SND1: variants seen among roughly 807,000 people sequenced by gnomAD.
SND1 encodes the protein staphylococcal nuclease domain-containing protein 1.
A neutral mutation model predicts 121.7 loss-of-function variants in SND1; 38 were observed. The ratio of observed to expected loss-of-function variants is 0.31; its 90% CI spans 0.24 to 0.41. The LOEUF (loss-of-function observed/expected upper bound fraction) is 0.41. Ranked by LOEUF, SND1 falls within the 10% of genes least tolerant of loss-of-function variation. The probability of loss-of-function intolerance (pLI) is 1.00; values close to 1 mark genes in which losing one functional copy is unlikely to be tolerated. For missense variants in SND1, 868 were observed against 1,184.6 expected (o/e 0.73, Z 3.92); for synonymous variants, 401 against 447.4 (o/e 0.90, Z 1.31).
At chr7:128,067,651 GC>G (rs2117042092) in intron 16 of SND1, among the ~76,000 whole-genome samples, 1 of 152,302 alleles carries the variant, frequency 6.6e-6, no homozygotes, top group East Asian at 1.9e-4. Context: ...GCAACCTACA[GC>G]CTCGCAACCC....
intron 1 of SND1, among the ~76,000 whole-genome samples, chr7:127,675,082 T>C (rs1489721276): frequency 6.6e-6 from 1 of 152,202 alleles, no homozygotes; most frequent in African/African-American, 2.4e-5. Flanking sequence ...ACGCCTGTGG[T>C]CCTAGCCACT....
At chr7:127,749,046 T>G (rs1057315506) in intron 10 of SND1, among the ~76,000 whole-genome samples, 2 of 146,090 alleles carry the variant, frequency 1.4e-5, no homozygotes, top group Non-Finnish European at 1.5e-5. Context: ...TTCTTTCGTT[T>G]TTTTTTTTTT....
At chr7:127,790,667 A>AT (rs1286002116) in intron 10 of SND1, among the ~76,000 whole-genome samples, 1 of 152,204 alleles carries the variant, frequency 6.6e-6, no homozygotes, top group African/African-American at 2.4e-5. Flanking sequence ...GCTGTTTTTA[A>AT]TTTCAGGTAG....
At chr7:127,871,436 C>G (rs1799584236) in intron 12 of SND1, among the ~76,000 whole-genome samples, 1 of 152,144 alleles carries the variant, frequency 6.6e-6, no homozygotes, top group Non-Finnish European at 1.5e-5. Flanking sequence ...CATTGTGCTG[C>G]AGGCTATGAC....
At chr7:127,822,216 C>T (rs1468654117) in intron 11 of SND1, among the ~76,000 whole-genome samples, 2 of 152,128 alleles carry the variant, frequency 1.3e-5, no homozygotes, top group African/African-American at 2.4e-5. Flanking sequence ...CGGGAAGATA[C>T]GTTTGTGGGT....
At chr7:128,078,502 A>G (rs1378146756) in intron 17 of SND1, among the ~76,000 whole-genome samples, 1 of 152,226 alleles carries the variant, frequency 6.6e-6, no homozygotes, top group Non-Finnish European at 1.5e-5. Context: ...CCCACCCACC[A>G]CGAAGTGAGC....
chr7:128,084,666 T>A, intron 18 of SND1, 58 bp from the exon 19 acceptor site: 1 of 1,528,764 alleles, frequency 6.5e-7, no homozygotes, highest in Non-Finnish European at 8.8e-7. Flanking sequence ...AGAAAAACCC[T>A]GCTGAGCCGT....
intron 10 of SND1, among the ~76,000 whole-genome samples, chr7:127,755,097 T>C (rs1797170444): frequency 6.6e-6 from 1 of 152,220 alleles, no homozygotes; most frequent in Non-Finnish European, 1.5e-5. Flanking sequence ...CTACCACCAA[T>C]TTGTATTTTG....
At chr7:127,665,089 G>A (rs1253130522) in intron 1 of SND1, among the ~76,000 whole-genome samples, 1 of 151,988 alleles carries the variant, frequency 6.6e-6, no homozygotes, top group African/African-American at 2.4e-5. Flanking sequence ...TCCTGGTATT[G>A]GTTTACCCAA....
At chr7:127,738,381 C>T (rs1233033097) in intron 10 of SND1, among the ~76,000 whole-genome samples, 2 of 147,378 alleles carry the variant, frequency 1.4e-5, no homozygotes, top group African/African-American at 2.5e-5. Context: ...CAGGTTCAAT[C>T]GATTCTCTTG....
chr7:127,691,892 A>G (rs1233859350), intron 2 of SND1, among the ~76,000 whole-genome samples: 1 of 150,148 alleles, frequency 6.7e-6, no homozygotes, highest in African/African-American at 2.5e-5. Flanking sequence ...TTGGCCTCCC[A>G]AAGTGTTGGG....
chr7:127,929,434 C>A, intron 15 of SND1, 105 bp downstream of exon 15: 1 of 1,121,064 alleles, frequency 8.9e-7, no homozygotes, highest in Non-Finnish European at 1.3e-6. Flanking sequence ...AGCCCACCAG[C>A]ATGCTCTTCC....
At chr7:127,910,143 AG>A (rs1326374380) in intron 14 of SND1, among the ~76,000 whole-genome samples, 1 of 152,144 alleles carries the variant, frequency 6.6e-6, no homozygotes, top group African/African-American at 2.4e-5. Context: ...TTTTGGCTAA[AG>A]AGAGTTTTAA....
At chr7:127,806,789 T>A (rs192993198) in intron 10 of SND1, among the ~76,000 whole-genome samples, 98 of 152,188 alleles carry the variant, frequency 6.4e-4, no homozygotes, top group African/African-American at 2.1e-3. Context: ...TGAAACCCCA[T>A]CTCTACTAAA....
intron 11 of SND1, among the ~76,000 whole-genome samples, chr7:127,836,717 A>G (rs890383176): frequency 3.3e-5 from 5 of 152,156 alleles, no homozygotes; most frequent in African/African-American, 9.7e-5. Flanking sequence ...AACTACAAAA[A>G]CAGTTATTTC....
chr7:127,936,035 C>A (rs1367755851), intron 15 of SND1, among the ~76,000 whole-genome samples: 2 of 152,132 alleles, frequency 1.3e-5, no homozygotes, highest in East Asian at 3.8e-4. Flanking sequence ...GTTCCTGCAC[C>A]CCTGTATGTA....
chr7:128,015,381 C>T lies in SND1; in HGVS notation c.1779+24325C>T, dbSNP rs572275027. Among the ~76,000 whole-genome samples the T allele has an allele frequency of 6.6e-6, 1 of 152,240 alleles. No homozygotes were observed. The highest frequency in any genetic ancestry group is 2.1e-4 in the South Asian group (1 of 4,826). On this transcript the variant is annotated intron_variant, in intron 16 of 23. Coordinates refer to ENST00000354725, the MANE Select transcript of SND1 (RefSeq NM_014390.4). This position sits in a 1 kb window ranked among gnomAD's most constrained non-coding sequence, Gnocchi z 4.5. The stretch of plus-strand genomic sequence containing the variant: ...TATTTTGCAGAAAACACTTTCCAGC[C>T]TTCATCAGCGCTAATCTGTTTTTGA...
intron 15 of SND1, among the ~76,000 whole-genome samples, chr7:127,984,405 G>A (rs1802338714): frequency 6.6e-6 from 1 of 152,140 alleles, no homozygotes; most frequent in Admixed American, 6.5e-5. Context: ...TGGGAAAGTG[G>A]GATGTATGTA....
chr7:128,085,671 C>T lies in SND1; in HGVS notation c.2235-40C>T, dbSNP rs760098313. 2.5e-6 allele frequency: 4 copies of T among 1,599,574 alleles called. No individual in the cohort carries two copies. In the African/African-American group the frequency reaches 5.4e-5, roughly 21 times the overall value. ...TGAGGCTCTGGGAGCCCAGAGTCCT[C>T]AGGGCTGTCTCTTGAGCTCTGCCCA... On this transcript the variant is annotated intron_variant, in intron 19 of 23. Coordinates refer to ENST00000354725, the MANE Select transcript of SND1 (RefSeq NM_014390.4). The surrounding 1 kb of genome is among the most constrained non-coding windows in gnomAD (Gnocchi z 4.4).
Sources: allele counts gnomAD v4.1 joint callset (sites outside exome capture counted in the v4.1 genomes callset), GRCh38; gene constraint gnomAD v4.1.1; non-coding constraint Gnocchi (gnomAD v3.1); transcripts MANE v1.5; gene names NCBI Gene and HGNC (gene_info 2026-07-23, HGNC 2026-07-21).